The following ARHGEF3 variants were observed in gnomAD, a reference collection of about 807,000 sequenced individuals.
ARHGEF3 encodes 59.8 kDA protein.
In ARHGEF3, 28 loss-of-function variants were observed where a neutral mutation model predicts 63.2. The ratio of observed to expected loss-of-function variants is 0.44; its 90% confidence interval spans 0.33 to 0.61. ARHGEF3 has a LOEUF of 0.61. Among genes scored for constraint, ARHGEF3 ranks in the 20% least tolerant of loss-of-function variants. The pLI is 0.03. For synonymous variants in ARHGEF3, 266 were observed against 254.2 expected (o/e 1.05, Z -0.44); for missense variants, 533 against 659.3 (o/e 0.81, Z 2.10).
chr3:57,069,004 C>T (rs1208278813), intron 1 of ARHGEF3, among the ~76,000 whole-genome samples: 1 of 151,836 alleles, frequency 6.6e-6, no homozygotes, highest in East Asian at 1.9e-4. Flanking sequence ...TCACCGTAAC[C>T]TCTGCCTCCC....
chr3:56,866,570 C>G (rs1169356772), intron 4 of ARHGEF3, among the ~76,000 whole-genome samples: 2 of 152,176 alleles, frequency 1.3e-5, no homozygotes, highest in African/African-American at 4.8e-5. Context: ...TGAGAATGCT[C>G]AAGCGGCAAG....
Position 56,792,113 on chromosome 3 carries a change from A to AAAAAAG in ARHGEF3, c.96+9589_96+9590insCTTTTT, listed in dbSNP as rs55899473. On this transcript the variant is annotated intron_variant, in intron 1 of 9. Transcript: ENST00000296315. Reference sequence around the variant, plus strand: ...AGTGAGACTCTGTCTCAAAAAAAAAAAAAAGAAAAGAAAAGAAAAGAAAAG... The same window carrying AAAAAAG: ...AGTGAGACTCTGTCTCAAAAAAAAAAAAAAAGAAAAGAAAAGAAAAGAAAAGAAAAG... 8.8e-3 allele frequency among the ~76,000 whole-genome samples: 1,226 copies of AAAAAAG among 139,968 alleles called. 22 individuals carry two copies. The highest frequency in any genetic ancestry group is 0.031 in the African/African-American group (1,028 of 33,642). 91.8% of individuals were successfully genotyped at this position (139,968 alleles called of 152,430 possible). A position where few individuals can be genotyped will look rare whatever the true frequency, so the allele number is the denominator to read the frequency against.
At chr3:56,788,923 C>G (rs2036947383) in intron 1 of ARHGEF3, among the ~76,000 whole-genome samples, 1 of 152,102 alleles carries the variant, frequency 6.6e-6, no homozygotes, top group Admixed American at 6.6e-5. Flanking sequence ...ACTCTGATCT[C>G]TTTATTTCCT....
At chr3:56,815,248 T>C (rs969126629) in intron 4 of ARHGEF3, among the ~76,000 whole-genome samples, 1 of 152,156 alleles carries the variant, frequency 6.6e-6, no homozygotes, top group Non-Finnish European at 1.5e-5. Context: ...GAGACATAGA[T>C]TCTTGAACCA....
intron 2 of ARHGEF3, among the ~76,000 whole-genome samples, chr3:57,002,147 G>T (rs993804091): frequency 6.6e-6 from 1 of 151,338 alleles, no homozygotes; most frequent in Non-Finnish European, 1.5e-5. Context: ...TCCTGACCTC[G>T]TGATCTGCCT....
chr3:56,765,266 T>C (rs923878327), intron 2 of ARHGEF3, among the ~76,000 whole-genome samples: 3 of 152,180 alleles, frequency 2.0e-5, no homozygotes, highest in African/African-American at 7.2e-5. Flanking sequence ...CCTGAAGCCA[T>C]GGTTTTTAGT....
chr3:56,789,424 G>A (rs2036973979), intron 1 of ARHGEF3, among the ~76,000 whole-genome samples: 2 of 152,214 alleles, frequency 1.3e-5, no homozygotes, highest in African/African-American at 4.8e-5. Context: ...TTTATGTTCT[G>A]AGAACAGAAA....
At chr3:57,044,100 C>T (rs1305913758) in intron 1 of ARHGEF3, among the ~76,000 whole-genome samples, 1 of 152,238 alleles carries the variant, frequency 6.6e-6, no homozygotes, top group Non-Finnish European at 1.5e-5. Context: ...TCCTCCTTCA[C>T]CCAATCACAC....
At chr3:56,812,386 C>T (rs1001408203) in intron 4 of ARHGEF3, among the ~76,000 whole-genome samples, 6 of 152,174 alleles carry the variant, frequency 3.9e-5, no homozygotes, top group African/African-American at 1.4e-4. Flanking sequence ...CTTTCAGTTC[C>T]TTCCAGCTGT....
At chr3:56,928,722 G>T (rs992124404) in intron 3 of ARHGEF3, among the ~76,000 whole-genome samples, 2 of 152,166 alleles carry the variant, frequency 1.3e-5, no homozygotes, top group Admixed American at 1.3e-4. Context: ...GCCCCCCAGT[G>T]AACTGCCACC....
chr3:56,877,456 C>T (rs1026942638), intron 4 of ARHGEF3, among the ~76,000 whole-genome samples: 1 of 151,142 alleles, frequency 6.6e-6, no homozygotes, highest in Non-Finnish European at 1.5e-5. Flanking sequence ...CTCACTGCAG[C>T]AACCTCCCAG....
chr3:56,974,645 G>C (rs949432608), intron 2 of ARHGEF3, among the ~76,000 whole-genome samples: 16 of 152,068 alleles, frequency 1.1e-4, no homozygotes, highest in African/African-American at 3.9e-4. Context: ...TAAAAGCAAA[G>C]GGATCGTTCT....
intron 2 of ARHGEF3, chr3:57,034,952 T>C: frequency 1.5e-6 from 1 of 671,318 alleles, no homozygotes; most frequent in Non-Finnish European, 2.4e-6. Flanking sequence ...TGAGACACCA[T>C]GCCTAGCACT....
rs777185869 is a variant in ARHGEF3 at position 57,035,182 on chromosome 3, T to TTTA, written c.-27-7_-27-6insTAA. On this transcript the variant is annotated splice_polypyrimidine_tract_variant and splice_region_variant and intron_variant, in intron 1 of 12. Transcript: ENST00000338458. ...GTATGGCAGGCTCAGGTCTCCTTTT[T>TTTA]TAAAAAGCAAAACAACCAACATTTA... The TTTA allele has an allele frequency of 3.4e-6, 5 of 1,466,828 alleles. No homozygotes were observed. In the South Asian group the frequency reaches 7.0e-5, roughly 21 times the overall value. 90.9% of individuals were successfully genotyped at this position (1,466,828 alleles called of 1,614,324 possible).
chr3:57,002,729 C>T (rs1449576352), intron 2 of ARHGEF3, among the ~76,000 whole-genome samples: 1 of 148,388 alleles, frequency 6.7e-6, no homozygotes, highest in Non-Finnish European at 1.5e-5. Flanking sequence ...TTTAGCACTT[C>T]ATATATTATT....
Position 57,029,654 on chromosome 3 carries a change from C to T in ARHGEF3, c.62+5434G>A, listed in dbSNP as rs114274103. 5.7e-3 allele frequency among the ~76,000 whole-genome samples: 868 copies of T among 152,228 alleles called. 14 individuals carry two copies. Among genetic ancestry groups the T allele is most frequent in the African/African-American group, 0.02 (833 of 41,542 alleles). On this transcript the variant is annotated intron_variant, in intron 2 of 12. Coordinates refer to the ARHGEF3 transcript ENST00000338458. ...TTAACTGAGGTTAAGCCAGCACTGG[C>T]CAAACAAATTTGACAACAAACCCCA...
At position 56,980,535 on chromosome 3, in the gene ARHGEF3, A is replaced by G. The variant is rs137936993; in HGVS notation, c.63-21646T>C. On this transcript the variant is annotated intron_variant, in intron 2 of 12. Coordinates refer to the ARHGEF3 transcript ENST00000338458. ...AGTACCTACGTAGGTTAGTGGGAAT[A>G]ATCACGTTATCTACCTTAGCTCTTA... is the stretch of plus-strand genomic sequence containing the variant. Among the ~76,000 whole-genome samples, 23 of 152,336 alleles carry G rather than the reference A, an allele frequency of 1.5e-4. No homozygotes were observed. In the East Asian group the frequency reaches 4.4e-3, roughly 29 times the overall value.
intron 1 of ARHGEF3, among the ~76,000 whole-genome samples, chr3:57,065,570 C>T (rs1374116425): frequency 6.6e-6 from 1 of 152,188 alleles, no homozygotes; most frequent in East Asian, 1.9e-4. Context: ...TGCTAAAAAA[C>T]AGACTGGGTA....
intron 4 of ARHGEF3, among the ~76,000 whole-genome samples, chr3:56,832,159 C>T (rs1019781067): frequency 6.6e-6 from 1 of 152,222 alleles, no homozygotes; most frequent in African/African-American, 2.4e-5. Context: ...TGACCCCATG[C>T]CCCTTGGGCC....
Sources: gnomAD v4.1 joint callset for allele counts (sites outside exome capture counted in the v4.1 genomes callset) on GRCh38, gnomAD v4.1.1 for gene constraint, MANE v1.5 for transcripts, NCBI Gene and HGNC (gene_info 2026-07-23, HGNC 2026-07-21) for gene names.